The following ZFP64 variants were observed in gnomAD, a reference collection of about 807,000 sequenced individuals.
The protein encoded by ZFP64 is ZFP64 zinc finger protein, also known as zinc finger protein 64.
Under a neutral mutation model 51.6 loss-of-function variants are expected in ZFP64, and 14 were observed. That is an observed-to-expected ratio of 0.27 (90% CI 0.18 to 0.42). The LOEUF is 0.42. ZFP64 is among the 10% of genes least tolerant of loss of function. ZFP64 has a pLI of 1.00. For synonymous variants in ZFP64, 375 were observed against 361.4 expected, an observed-to-expected ratio of 1.04 and a Z score of -0.43; for missense variants, 754 against 906.8, an observed-to-expected ratio of 0.83 and a Z score of 2.16.
intron 5 of ZFP64, among the ~76,000 whole-genome samples, chr20:52,114,003 C>G (rs577053503): frequency 6.6e-6 from 1 of 151,966 alleles, no homozygotes; most frequent in Admixed American, 6.6e-5. Context: ...ATGGAAAGAA[C>G]CAGGGAGACA....
At chr20:52,112,924 C>G (rs571147104) in intron 5 of ZFP64, among the ~76,000 whole-genome samples, 88 of 151,834 alleles carry the variant, frequency 5.8e-4, no homozygotes, top group Non-Finnish European at 9.1e-4. Flanking sequence ...GCTGGGTTCT[C>G]CTTCCTAAGC....
intron 5 of ZFP64, among the ~76,000 whole-genome samples, chr20:52,115,190 T>G (rs1600721045): frequency 9.8e-6 from 1 of 101,896 alleles, no homozygotes; most frequent in Non-Finnish European, 2.0e-5. Flanking sequence ...GGTAACAGAG[T>G]GAGTCTCAAA....
rs188166625 is a variant in ZFP64, at chr20:52,101,688, C to T, written c.764-3101G>A. Among the ~76,000 whole-genome samples the T allele has an allele frequency of 7.9e-5, 12 of 152,112 alleles. No individual in the cohort carries two copies. The East Asian group carries it at 2.1e-3, about 27-fold the overall frequency. Reference sequence around the variant, plus strand: ...CACTCAAAAGTGCTGGGATTACAGGCATGAGCCACCACACCTGACCTCAGG... The same window carrying T: ...CACTCAAAAGTGCTGGGATTACAGGTATGAGCCACCACACCTGACCTCAGG... On this transcript the variant is annotated intron_variant, in intron 5 of 8. Transcript: ENST00000361387.
intron 8 of ZFP64, among the ~76,000 whole-genome samples, chr20:52,086,978 A>ATGG (rs992853420): frequency 6.6e-6 from 1 of 152,198 alleles, no homozygotes; most frequent in African/African-American, 2.4e-5. Flanking sequence ...TCCCACTAGC[A>ATGG]TGGTGGCTGG....
intron 2 of ZFP64, among the ~76,000 whole-genome samples, chr20:52,182,886 C>A (rs1230821469): frequency 6.6e-6 from 1 of 152,088 alleles, no homozygotes; most frequent in African/African-American, 2.4e-5. Flanking sequence ...AGGAGAGGGG[C>A]TTACAGGTCA....
chr20:52,143,537 T>TA (rs1193537754), intron 5 of ZFP64, among the ~76,000 whole-genome samples: 1 of 141,614 alleles, frequency 7.1e-6, no homozygotes, highest in Non-Finnish European at 1.6e-5. Flanking sequence ...TTTTACGACT[T>TA]AGTTTTTTTT....
At chr20:52,106,584 A>G (rs530710936) in intron 5 of ZFP64, among the ~76,000 whole-genome samples, 1 of 152,186 alleles carries the variant, frequency 6.6e-6, no homozygotes, top group Admixed American at 6.5e-5. Context: ...CGAGAACGGC[A>G]TTTTTGCTTA....
At position 52,110,122 on chromosome 20, in the gene ZFP64, C is replaced by T. The variant is rs147194595; in HGVS notation, c.764-11535G>A. On this transcript the variant is annotated intron_variant, in intron 5 of 8. Coordinates refer to the ZFP64 transcript ENST00000361387. Reference sequence around the variant, plus strand: ...ACCAATTCCTTCTGAGGGGTCATTTCACCAGCCACCTGAGAAGTGCTCCAG... The same window carrying T: ...ACCAATTCCTTCTGAGGGGTCATTTTACCAGCCACCTGAGAAGTGCTCCAG... Among the ~76,000 whole-genome samples, 363 of 152,250 alleles carry T rather than the reference C, an allele frequency of 2.4e-3. 3 individuals carry two copies. The highest frequency in any genetic ancestry group is 8.1e-3 in the African/African-American group (338 of 41,542).
chr20:52,113,422 C>CTTTTTTT (rs936439409), intron 5 of ZFP64, among the ~76,000 whole-genome samples: 5 of 96,528 alleles, frequency 5.2e-5, no homozygotes, highest in African/African-American at 1.2e-4. Flanking sequence ...GCCAGGAATT[C>CTTTTTTT]TTTTTTTTTT....
intron 5 of ZFP64, among the ~76,000 whole-genome samples, chr20:52,123,489 C>T (rs1473132708): frequency 6.6e-6 from 1 of 152,190 alleles, no homozygotes; most frequent in Non-Finnish European, 1.5e-5. Flanking sequence ...GATCAGTCAG[C>T]AGCCATCGAC....
intron 5 of ZFP64, among the ~76,000 whole-genome samples, chr20:52,133,157 C>T (rs1568669611): frequency 6.6e-6 from 1 of 152,014 alleles, no homozygotes. Flanking sequence ...ATTCAGCATC[C>T]CTTCATGATA....
chr20:52,097,709 C>T (rs578058883), intron 6 of ZFP64, among the ~76,000 whole-genome samples: 1 of 152,002 alleles, frequency 6.6e-6, no homozygotes, highest in African/African-American at 2.4e-5. Context: ...ATCTGCCCGC[C>T]CCGGCTTCCC....
rs377227608 is a variant in ZFP64, at chr20:52,152,969, G to A, written c.1223C>T (p.Thr408Ile). The A allele has an allele frequency of 2.9e-5, 46 of 1,613,702 alleles. No individual in the cohort carries two copies. In the South Asian group the frequency reaches 4.1e-4, roughly 14 times the overall value. Residue 408 changes from threonine (T) to isoleucine (I), a missense_variant, in exon 6 of 6, where the codon ACC becomes ATC. Transcript: ENST00000216923. ...CACCTGCCGGCTGCTCTGCCTGCCG[G>A]TGTCCTTCCTCTCTAGAGCCTCAGT... ...VKTEALERKD[T>I]GRQSSRQVAK...
chr20:52,092,119 T>C (rs2078934021), intron 7 of ZFP64, among the ~76,000 whole-genome samples: 2 of 152,132 alleles, frequency 1.3e-5, no homozygotes, highest in Admixed American at 6.5e-5. Flanking sequence ...AAAGAAAGAA[T>C]TGAGGCTACG....
intron 5 of ZFP64, among the ~76,000 whole-genome samples, chr20:52,102,107 C>CCAAAAAAAAAAAAAAAAAAAAA (rs551838560): frequency 1.6e-5 from 1 of 63,424 alleles, no homozygotes; most frequent in African/African-American, 6.8e-5. Flanking sequence ...ACTCCATCTC[C>CCAAAAAAAAAAAAAAAAAAAAA]AAAAAAAAAA....
chr20:52,096,058 T>C (rs201567314), intron 7 of ZFP64, among the ~76,000 whole-genome samples: 360 of 152,316 alleles, frequency 2.4e-3, no homozygotes, highest in African/African-American at 8.3e-3. Flanking sequence ...TGATCCACTG[T>C]CCCCAGGCAA....
chr20:52,187,510 T>C (rs1273583055), intron 1 of ZFP64, among the ~76,000 whole-genome samples: 1 of 151,878 alleles, frequency 6.6e-6, no homozygotes, highest in Non-Finnish European at 1.5e-5. Flanking sequence ...TAATCCTAGC[T>C]ACTCAGGAGG....
chr20:52,131,918 C>T (rs908099155), intron 5 of ZFP64, among the ~76,000 whole-genome samples: 17 of 152,266 alleles, frequency 1.1e-4, no homozygotes, highest in Admixed American at 3.3e-4. Flanking sequence ...GCAGAATACA[C>T]ATTCTTTTCC....
Position 52,164,749 on chromosome 20 carries a change from A to G in ZFP64, c.457T>C (p.Phe153Leu). The part of the protein sequence containing the change: ...RLNCCYPGCQ[F>L]KTAYGMKDME... ...TCCTTCATGCCATAAGCAGTCTTGA[A>G]TTGGCAACCTAAAAAAAAAAAGGAA... is the stretch of plus-strand genomic sequence containing the variant. The change falls in exon 4 of 6, where the codon TTC (phenylalanine) becomes CTC (leucine). Residue 153 changes from phenylalanine to leucine, a missense_variant. Phe to Leu is a conservative substitution (Grantham distance 22, BLOSUM62 0). Transcript: ENST00000216923. 6.2e-7 allele frequency: 1 copy of G among 1,605,896 alleles called. No homozygotes were observed. The highest frequency in any genetic ancestry group is 8.5e-7 in the Non-Finnish European group (1 of 1,177,138).
Sources: gnomAD v4.1 joint callset for allele counts (sites outside exome capture counted in the v4.1 genomes callset) on GRCh38, gnomAD v4.1.1 for gene constraint, MANE v1.5 for transcripts, NCBI Gene and HGNC (gene_info 2026-07-23, HGNC 2026-07-21) for gene names.